Variants in RPIA observed in about 807,000 individuals in gnomAD.
RPIA encodes the protein ribose-5-phosphate isomerase.
A neutral mutation model predicts 37.8 loss-of-function variants in RPIA; 29 were observed. The observed-to-expected ratio is 0.77, with a 90% confidence interval of 0.57 to 1.05. The LOEUF (loss-of-function observed/expected upper bound fraction) is 1.05, where lower values mean the gene tolerates loss of function less well. Ranked by LOEUF, RPIA falls within the 50% of genes least tolerant of loss-of-function variation. The probability of loss-of-function intolerance (pLI) is 0.00; values close to 1 mark genes in which losing one functional copy is unlikely to be tolerated. For missense variants in RPIA, 385 were observed against 413.6 expected (o/e 0.93, Z 0.60); for synonymous variants, 167 against 157.0 (o/e 1.06, Z -0.48).
At chr2:88,724,497 T>C (rs1028208907) in intron 3 of RPIA, among the ~76,000 whole-genome samples, 2 of 152,010 alleles carry the variant, frequency 1.3e-5, no homozygotes, top group Admixed American at 6.6e-5. Context: ...TTACTGGAGA[T>C]GGGGTTTCAC....
At chr2:88,724,705 A>G (rs531847275) in intron 3 of RPIA, among the ~76,000 whole-genome samples, 2 of 152,260 alleles carry the variant, frequency 1.3e-5, no homozygotes, top group South Asian at 4.1e-4. Context: ...GTAGGGATTT[A>G]AATGATTTTG....
At chr2:88,704,514 A>G (rs1187135827) in intron 3 of RPIA, among the ~76,000 whole-genome samples, 1 of 152,220 alleles carries the variant, frequency 6.6e-6, no homozygotes, top group Non-Finnish European at 1.5e-5. Context: ...GTATGGAGGA[A>G]ACTGCCCTCA....
At chr2:88,734,324 T>C (rs1055074795) in intron 4 of RPIA, among the ~76,000 whole-genome samples, 1 of 152,058 alleles carries the variant, frequency 6.6e-6, no homozygotes, top group Non-Finnish European at 1.5e-5. Context: ...AACATAGTCT[T>C]GTGGGTAAGA....
intron 3 of RPIA, among the ~76,000 whole-genome samples, chr2:88,725,472 C>T (rs543700659): frequency 3.9e-5 from 6 of 152,146 alleles, no homozygotes; most frequent in African/African-American, 1.4e-4. Context: ...TCCTAACTCT[C>T]TCGGTGGGTT....
At chr2:88,706,208 A>G (rs2104085263) in intron 3 of RPIA, among the ~76,000 whole-genome samples, 1 of 152,332 alleles carries the variant, frequency 6.6e-6, no homozygotes, top group Non-Finnish European at 1.5e-5. Context: ...TGCTGAGTAT[A>G]TACCCAAAAG....
At chr2:88,738,910 T>C (rs558805381) in intron 8 of RPIA, among the ~76,000 whole-genome samples, 15 of 152,332 alleles carry the variant, frequency 9.8e-5, no homozygotes, top group African/African-American at 2.9e-4. Flanking sequence ...CCTGAATGTT[T>C]AATGCTTACT....
chr2:88,750,196 T>TGGGGGGG lies in RPIA; in HGVS notation c.*124_*125insGGGGGGG. The TGGGGGGG allele has an allele frequency of 2.0e-6, 1 of 510,780 alleles. No individual in the cohort carries two copies. Among genetic ancestry groups the TGGGGGGG allele is most frequent in the Admixed American group, 2.5e-5 (1 of 40,060 alleles). The allele number at this position is 510,780 out of a possible 1,614,324, so 31.6% of individuals were successfully genotyped here. On this transcript the variant is annotated 3_prime_UTR_variant, in exon 9 of 9. Coordinates refer to ENST00000283646, the MANE Select transcript of RPIA (RefSeq NM_144563.3). ...TGCCTGGACAACTTGTGGTGGGGGG[T>TGGGGGGG]GGGGGGAAGAGTGGGAGGGGGAGTT...
At chr2:88,729,444 C>A in intron 4 of RPIA, 107 bp downstream of exon 4, 2 of 1,150,536 alleles carry the variant, frequency 1.7e-6, no homozygotes, top group Non-Finnish European at 2.6e-6. Context: ...GGGAAGATGT[C>A]AGTTAGTTGT....
chr2:88,693,389 A>G lies in RPIA; in HGVS notation c.285+1406A>G, dbSNP rs1230281008. Among the ~76,000 whole-genome samples the G allele has an allele frequency of 2.6e-5, 4 of 152,232 alleles. No individual in the cohort carries two copies. In the East Asian group the frequency reaches 5.8e-4, roughly 22 times the overall value. On this transcript the variant is annotated intron_variant, in intron 1 of 8. Transcript: ENST00000283646. ...AAGTTAGGTAATTTTGGGGAGATCTACAGTGACCTTTTGGGGGCACCTGTT... is the reference window on the plus strand; with the variant it reads ...AAGTTAGGTAATTTTGGGGAGATCTGCAGTGACCTTTTGGGGGCACCTGTT...
chr2:88,695,991 T>C (rs1403115271), intron 1 of RPIA, among the ~76,000 whole-genome samples: 1 of 152,088 alleles, frequency 6.6e-6, no homozygotes, highest in African/African-American at 2.4e-5. Context: ...TAGTTATAGA[T>C]GTAGTCAGGC....
At chr2:88,721,104 C>G (rs1673115776) in intron 3 of RPIA, among the ~76,000 whole-genome samples, 1 of 151,980 alleles carries the variant, frequency 6.6e-6, no homozygotes, top group East Asian at 1.9e-4. Context: ...TCTTAGCAAA[C>G]TAACACAAGA....
chr2:88,709,743 T>C (rs1672939541), intron 3 of RPIA, among the ~76,000 whole-genome samples: 2 of 152,180 alleles, frequency 1.3e-5, no homozygotes, highest in South Asian at 4.1e-4. Context: ...TCAATGGAAC[T>C]CATTTAAAAA....
chr2:88,703,290 C>A (rs1359742124), intron 3 of RPIA, among the ~76,000 whole-genome samples: 1 of 152,360 alleles, frequency 6.6e-6, no homozygotes, highest in East Asian at 1.9e-4. Context: ...AGTAGAGACT[C>A]TGTGCAGGGG....
chr2:88,698,569 A>T, intron 2 of RPIA, 25 bp downstream of exon 2: 1 of 1,605,310 alleles, frequency 6.2e-7, no homozygotes, highest in East Asian at 2.2e-5. Flanking sequence ...TGTCTACTGG[A>T]TGTTTTGTGT....
chr2:88,725,693 A>C (rs1164677912), intron 3 of RPIA, among the ~76,000 whole-genome samples: 1 of 152,212 alleles, frequency 6.6e-6, no homozygotes, highest in Non-Finnish European at 1.5e-5. Context: ...ATAAAACATC[A>C]CATTCTGAAG....
At chr2:88,709,171 G>C (rs1672933165) in intron 3 of RPIA, among the ~76,000 whole-genome samples, 1 of 152,204 alleles carries the variant, frequency 6.6e-6, no homozygotes. Flanking sequence ...TGAGTGGACT[G>C]TCTTTCTAGT....
At chr2:88,692,076 T>TCCCGC in intron 1 of RPIA, 93 bp downstream of exon 1, 2 of 1,463,768 alleles carry the variant, frequency 1.4e-6, no homozygotes, top group Non-Finnish European at 1.8e-6. Flanking sequence ...CGCGCCTAGC[T>TCCCGC]CCTGGCAGGG....
chr2:88,717,422 C>A (rs748320361), intron 3 of RPIA, among the ~76,000 whole-genome samples: 1 of 152,028 alleles, frequency 6.6e-6, no homozygotes, highest in African/African-American at 2.4e-5. Flanking sequence ...TCTGGAAAGG[C>A]GGGACAACTC....
intron 3 of RPIA, among the ~76,000 whole-genome samples, chr2:88,720,470 T>G (rs1383155574): frequency 6.6e-6 from 1 of 151,864 alleles, no homozygotes; most frequent in Non-Finnish European, 1.5e-5. Context: ...TTATATGAGC[T>G]GAAAATGAGT....
Sources: gnomAD v4.1 joint callset for allele counts (sites outside exome capture counted in the v4.1 genomes callset) on GRCh38, gnomAD v4.1.1 for gene constraint, MANE v1.5 for transcripts, NCBI Gene and HGNC (gene_info 2026-07-23, HGNC 2026-07-21) for gene names.